Variants in NCAM2 observed in about 807,000 individuals in gnomAD.
The protein encoded by NCAM2 is neural cell adhesion molecule 2.
NCAM2 carries 30 observed loss-of-function variants against 98.1 expected under a neutral mutation model. The ratio of observed to expected loss-of-function variants is 0.31; its 90% CI spans 0.23 to 0.41. NCAM2 has a LOEUF of 0.41. Among genes scored for constraint, NCAM2 ranks in the 10% least tolerant of loss-of-function variants. The pLI is 1.00. For missense variants in NCAM2, 867 were observed against 1,005.8 expected (o/e 0.86, Z 1.87); for synonymous variants, 368 against 342.4 (o/e 1.07, Z -0.83).
chr21:21,142,375 A>AT (rs1330206964), intron 1 of NCAM2, among the ~76,000 whole-genome samples: 10 of 37,782 alleles, frequency 2.6e-4, no homozygotes, highest in South Asian at 2.2e-3. Flanking sequence ...GTTTTTTTTT[A>AT]TGTTTTTTTT....
intron 8 of NCAM2, among the ~76,000 whole-genome samples, chr21:21,370,208 A>G (rs1487996796): frequency 6.6e-6 from 1 of 151,748 alleles, no homozygotes; most frequent in African/African-American, 2.4e-5. Context: ...TCCTTTCTGA[A>G]TGTCATCTAT....
chr21:21,294,813 T>G (rs200585403), intron 5 of NCAM2, among the ~76,000 whole-genome samples: 2,814 of 64,354 alleles, frequency 0.044, 93 homozygotes, highest in East Asian at 0.42. Flanking sequence ...AATATCGAGG[T>G]TTTTTTTTTT....
chr21:21,311,152 G>A (rs1352971052), intron 5 of NCAM2, among the ~76,000 whole-genome samples: 3 of 152,048 alleles, frequency 2.0e-5, no homozygotes, highest in Non-Finnish European at 4.4e-5. Context: ...TTGTAAAGGA[G>A]CTTTATATTA....
intron 1 of NCAM2, among the ~76,000 whole-genome samples, chr21:21,236,784 G>GTGTA (rs991687887): frequency 7.1e-6 from 1 of 141,744 alleles, no homozygotes; most frequent in South Asian, 2.3e-4. Flanking sequence ...GTGTGTGTGT[G>GTGTA]TGCATGCACA....
At chr21:21,208,018 T>G (rs895769187) in intron 1 of NCAM2, among the ~76,000 whole-genome samples, 4 of 152,172 alleles carry the variant, frequency 2.6e-5, no homozygotes, top group African/African-American at 9.6e-5. Flanking sequence ...TAAACAAAAC[T>G]ATGCCTATGA....
At chr21:21,532,404 T>A (rs1336296973) in intron 16 of NCAM2, among the ~76,000 whole-genome samples, 1 of 152,084 alleles carries the variant, frequency 6.6e-6, no homozygotes, top group Non-Finnish European at 1.5e-5. Flanking sequence ...TAATAAAAAT[T>A]AAAATTAAAA....
chr21:21,387,864 G>T (rs1488610719), intron 9 of NCAM2, among the ~76,000 whole-genome samples: 1 of 152,102 alleles, frequency 6.6e-6, no homozygotes, highest in Non-Finnish European at 1.5e-5. Context: ...AAAATAATGT[G>T]GGAAACAGTG....
At chr21:21,170,237 G>A (rs538686887) in intron 1 of NCAM2, among the ~76,000 whole-genome samples, 1 of 152,248 alleles carries the variant, frequency 6.6e-6, no homozygotes, top group African/African-American at 2.4e-5. Context: ...ATATGATCCA[G>A]CAGTTTTACT....
chr21:21,284,268 G>A lies in NCAM2; in HGVS notation c.205G>A (p.Val69Met), dbSNP rs371967791. Residue 69 changes from valine (V) to methionine (M), a missense_variant, in exon 3 of 18, where the codon GTG (valine) becomes ATG (methionine). Around this residue, in one of 5 missense-constraint regions of NCAM2, gnomAD observed 447 missense variants for 495.7 expected, o/e 0.90. Transcript: ENST00000400546. ...EKIISTQRVV[V>M]QKEGVRSRLT... is the part of the protein sequence containing the mutation. The stretch of plus-strand genomic sequence containing the variant: ...GATAATTTCAACACAGAGGGTAGTA[G>A]TGCAAAAGGAAGGTGTTAGGTCACG... The A allele has an allele frequency of 5.0e-6, 8 of 1,612,184 alleles. No homozygotes were observed. The highest frequency in any genetic ancestry group is 1.7e-5 in the Admixed American group (1 of 59,906).
intron 16 of NCAM2, among the ~76,000 whole-genome samples, chr21:21,526,312 C>CA (rs1316570076): frequency 6.6e-6 from 1 of 151,628 alleles, no homozygotes; most frequent in South Asian, 2.1e-4. Flanking sequence ...AATTAATATG[C>CA]AAAAATCAAA....
intron 1 of NCAM2, among the ~76,000 whole-genome samples, chr21:21,101,399 C>T (rs569442801): frequency 1.3e-5 from 2 of 152,034 alleles, no homozygotes; most frequent in Admixed American, 1.3e-4. Context: ...TAAGATACTA[C>T]TTTTTACTTT....
intron 9 of NCAM2, among the ~76,000 whole-genome samples, chr21:21,381,410 C>T (rs986568906): frequency 1.3e-5 from 2 of 151,916 alleles, no homozygotes; most frequent in South Asian, 4.2e-4. Context: ...GTTTTTTTCA[C>T]ATTCTATGCC....
chr21:21,459,417 TACACAC>T (rs3039016), intron 12 of NCAM2, among the ~76,000 whole-genome samples: 2 of 147,450 alleles, frequency 1.4e-5, no homozygotes, highest in Non-Finnish European at 3.0e-5. Context: ...AATATGTATA[TACACAC>T]ACACACACAC....
chr21:21,134,242 T>G (rs2066996270), intron 1 of NCAM2, among the ~76,000 whole-genome samples: 1 of 151,982 alleles, frequency 6.6e-6, no homozygotes, highest in Non-Finnish European at 1.5e-5. Flanking sequence ...CTAATTTTTT[T>G]TGTATCTTTA....
intron 15 of NCAM2, among the ~76,000 whole-genome samples, chr21:21,484,533 T>C (rs1012541737): frequency 3.9e-5 from 6 of 152,200 alleles, no homozygotes; most frequent in African/African-American, 1.2e-4. Context: ...TCTTTCATTA[T>C]AGCCATAAGT....
chr21:21,277,788 TAGAGGGAAAAGAGATTAA>T (rs2072781710), intron 1 of NCAM2, among the ~76,000 whole-genome samples: 1 of 151,868 alleles, frequency 6.6e-6, no homozygotes, highest in South Asian at 2.1e-4. Flanking sequence ...ACAAATACAT[TAGAGGGAAAAGAGATTAA>T]AGAGGCAAAA....
intron 16 of NCAM2, among the ~76,000 whole-genome samples, chr21:21,522,633 T>TTC (rs1555911601): frequency 9.0e-5 from 1 of 11,106 alleles, no homozygotes; most frequent in East Asian, 5.6e-3. Flanking sequence ...TTTCTTTTTC[T>TTC]TTTTTTTTTT....
intron 8 of NCAM2, among the ~76,000 whole-genome samples, chr21:21,366,685 G>A (rs1432835819): frequency 6.6e-6 from 1 of 152,006 alleles, no homozygotes; most frequent in Non-Finnish European, 1.5e-5. Context: ...GGGGTGTGAT[G>A]TTTGAAAATT....
intron 15 of NCAM2, among the ~76,000 whole-genome samples, chr21:21,488,188 G>A (rs1400790367): frequency 6.6e-6 from 1 of 151,834 alleles, no homozygotes; most frequent in Non-Finnish European, 1.5e-5. Context: ...AAATATTCAA[G>A]TTCTTTTTAA....
Sources: gnomAD v4.1 joint callset for allele counts (sites outside exome capture counted in the v4.1 genomes callset) on GRCh38, gnomAD v4.1.1 for gene constraint, gnomAD v4.1.1 regional missense constraint, MANE v1.5 for transcripts, NCBI Gene and HGNC (gene_info 2026-07-23, HGNC 2026-07-21) for gene names.